PLD5: variants seen among roughly 807,000 people sequenced by gnomAD.
PLD5 encodes the protein inactive phospholipase D5.
Under a neutral mutation model 61.1 loss-of-function variants are expected in PLD5, and 36 were observed. The observed-to-expected ratio is 0.59, with a 90% CI of 0.45 to 0.78. The LOEUF (loss-of-function observed/expected upper bound fraction) is 0.78. PLD5 is among the 30% of genes least tolerant of loss of function. The pLI is 0.00. For synonymous variants in PLD5, 243 were observed against 242.8 expected (o/e 1.00, Z -0.01); for missense variants, 515 against 644.4 (o/e 0.80, Z 2.17).
intron 1 of PLD5, among the ~76,000 whole-genome samples, chr1:242,380,862 TAGTC>T (rs1490944742): frequency 6.6e-6 from 1 of 152,172 alleles, no homozygotes; most frequent in Non-Finnish European, 1.5e-5. Context: ...CATCTCATGT[TAGTC>T]AGAATGGCGA....
rs186029966 is a variant in PLD5 at position 242,085,371 on chromosome 1, C to T, written c.*4483G>A. 3 of 152,120 alleles carry T rather than the reference C, an allele frequency of 2.0e-5. No homozygotes were observed. Among genetic ancestry groups the T allele is most frequent in the Admixed American group, 6.5e-5 (1 of 15,278 alleles). 9.4% of individuals were successfully genotyped at this position (152,120 alleles called of 1,614,324 possible). On this transcript the variant is annotated 3_prime_UTR_variant, in exon 10 of 10. Coordinates refer to ENST00000536534, the MANE Select transcript of PLD5 (RefSeq NM_001372062.1). ...CTTCAAGAAACTTCTGAGGAATACCCATTGAGTCACTGTATAAAGCAGCAT... is the reference window on the plus strand; with the variant it reads ...CTTCAAGAAACTTCTGAGGAATACCTATTGAGTCACTGTATAAAGCAGCAT...
chr1:242,195,257 G>A (rs111281765), intron 5 of PLD5, among the ~76,000 whole-genome samples: 235 of 152,250 alleles, frequency 1.5e-3, no homozygotes, highest in African/African-American at 5.1e-3. Flanking sequence ...GGAGAGTTCC[G>A]CATCTGGAGC....
At chr1:242,291,092 A>G (rs1461247295) in intron 2 of PLD5, among the ~76,000 whole-genome samples, 3 of 152,046 alleles carry the variant, frequency 2.0e-5, no homozygotes, top group African/African-American at 7.2e-5. Context: ...TGTCATCTTT[A>G]CTTCCTTCCC....
chr1:242,376,961 G>T, intron 1 of PLD5: 3 of 1,611,266 alleles, frequency 1.9e-6, no homozygotes, highest in Non-Finnish European at 2.5e-6. Flanking sequence ...ATTTGATGAA[G>T]GCCATGCCGT....
At chr1:242,251,050 G>A (rs2149081537) in intron 4 of PLD5, among the ~76,000 whole-genome samples, 1 of 152,208 alleles carries the variant, frequency 6.6e-6, no homozygotes, top group East Asian at 1.9e-4. Flanking sequence ...AAACTTAATG[G>A]AAGAAGAACA....
chr1:242,406,304 T>C (rs73130388), intron 1 of PLD5, among the ~76,000 whole-genome samples: 6,105 of 152,214 alleles, frequency 0.04, 415 homozygotes, highest in African/African-American at 0.14. Flanking sequence ...AATGAGAAAA[T>C]GAACAAACTC....
At chr1:242,449,194 G>A (rs559978799) in intron 1 of PLD5, among the ~76,000 whole-genome samples, 1 of 152,304 alleles carries the variant, frequency 6.6e-6, no homozygotes, top group East Asian at 1.9e-4. Context: ...GTGCTCTGGT[G>A]AAAAGAGTGT....
Position 242,266,478 on chromosome 1 carries a change from CCA to C in PLD5, c.496-1032_496-1031del, listed in dbSNP as rs568904416. Reference sequence around the variant, plus strand: ...TCAGGCAGACTGAATAACAGTAGGTCCACAGTCATTGCATTATCTCAGGTCAT... The same window carrying C: ...TCAGGCAGACTGAATAACAGTAGGTCCAGTCATTGCATTATCTCAGGTCAT... On this transcript the variant is annotated intron_variant, in intron 3 of 9. Transcript: ENST00000536534. 2.0e-3 allele frequency among the ~76,000 whole-genome samples: 299 copies of C among 152,280 alleles called. 1 individual carries two copies. The highest frequency in any genetic ancestry group is 7.0e-3 in the African/African-American group (289 of 41,548).
intron 5 of PLD5, among the ~76,000 whole-genome samples, chr1:242,178,599 G>A (rs1381426451): frequency 1.3e-5 from 2 of 152,186 alleles, no homozygotes; most frequent in Non-Finnish European, 2.9e-5. Flanking sequence ...ATTCTGTCGA[G>A]AGAGAAGGAT....
At chr1:242,178,873 AAAGAT>A (rs1220270843) in intron 5 of PLD5, among the ~76,000 whole-genome samples, 3 of 152,236 alleles carry the variant, frequency 2.0e-5, no homozygotes, top group Non-Finnish European at 4.4e-5. Context: ...ACTCCAGTGC[AAAGAT>A]ACTTTGCTGT....
chr1:242,289,453 G>A (rs1276822488), intron 2 of PLD5, among the ~76,000 whole-genome samples: 13 of 152,222 alleles, frequency 8.5e-5, no homozygotes, highest in Non-Finnish European at 1.6e-4. Context: ...GGTTCAAGCA[G>A]TTCTCCTGCC....
At chr1:242,137,960 G>A (rs1663871650) in intron 5 of PLD5, among the ~76,000 whole-genome samples, 1 of 152,148 alleles carries the variant, frequency 6.6e-6, no homozygotes, top group Non-Finnish European at 1.5e-5. Context: ...CTAAGACATG[G>A]CTGTCATCAA....
intron 5 of PLD5, among the ~76,000 whole-genome samples, chr1:242,132,856 AACT>A (rs1663398371): frequency 6.6e-6 from 1 of 152,202 alleles, no homozygotes; most frequent in African/African-American, 2.4e-5. Flanking sequence ...CAGTTAGTTC[AACT>A]TTATTTCAAA....
chr1:242,431,947 G>C (rs966919387), intron 1 of PLD5, among the ~76,000 whole-genome samples: 1 of 152,190 alleles, frequency 6.6e-6, no homozygotes, highest in Non-Finnish European at 1.5e-5. Flanking sequence ...ACAGTCACAG[G>C]AATCCTACAA....
At chr1:242,417,005 T>TA (rs200817414) in intron 1 of PLD5, among the ~76,000 whole-genome samples, 4,107 of 152,070 alleles carry the variant, frequency 0.027, 82 homozygotes, top group South Asian at 0.035. Flanking sequence ...AAAGGGTAGT[T>TA]AAAAAAAATC....
intron 5 of PLD5, among the ~76,000 whole-genome samples, chr1:242,150,109 C>T (rs2148815354): frequency 6.6e-6 from 1 of 151,658 alleles, no homozygotes; most frequent in African/African-American, 2.4e-5. Flanking sequence ...GGGATATTGT[C>T]CAGATTTTTT....
chr1:242,266,624 G>T (rs781364865), intron 3 of PLD5, among the ~76,000 whole-genome samples: 3 of 152,142 alleles, frequency 2.0e-5, no homozygotes, highest in Non-Finnish European at 2.9e-5. Flanking sequence ...TTTTGCTGTT[G>T]GTTCACAAAC....
chr1:242,419,280 G>C (rs1046988535), intron 1 of PLD5, among the ~76,000 whole-genome samples: 13 of 152,294 alleles, frequency 8.5e-5, no homozygotes, highest in African/African-American at 3.1e-4. Context: ...GTGGGTGGCA[G>C]AGGACACAAA....
intron 1 of PLD5, among the ~76,000 whole-genome samples, chr1:242,496,585 C>A (rs192233101): frequency 6.6e-6 from 1 of 152,178 alleles, no homozygotes; most frequent in Non-Finnish European, 1.5e-5. Context: ...CTAAGTGAAA[C>A]CACAGTTTAA....
Sources: allele counts gnomAD v4.1 joint callset (sites outside exome capture counted in the v4.1 genomes callset), GRCh38; gene constraint gnomAD v4.1.1; transcripts MANE v1.5; gene names NCBI Gene and HGNC (gene_info 2026-07-23, HGNC 2026-07-21).